The following EXOC4 variants were observed in gnomAD, a reference collection of about 807,000 sequenced individuals.
The protein encoded by EXOC4 is exocyst complex component 4.
EXOC4 carries 71 observed loss-of-function variants against 107.2 expected under a neutral mutation model. The ratio of observed to expected loss-of-function variants is 0.66; its 90% CI spans 0.55 to 0.81. EXOC4 has a LOEUF of 0.81. Ranked by LOEUF, EXOC4 falls within the 30% of genes least tolerant of loss-of-function variation. EXOC4 has a pLI of 0.00. For synonymous variants in EXOC4, 456 were observed against 441.2 expected (o/e 1.03, Z -0.42); for missense variants, 1,108 against 1,189.6 (o/e 0.93, Z 1.01).
intron 10 of EXOC4, among the ~76,000 whole-genome samples, chr7:133,724,277 C>T (rs112841552): frequency 6.6e-6 from 1 of 152,128 alleles, no homozygotes; most frequent in South Asian, 2.1e-4. Flanking sequence ...CAAAGGAGAC[C>T]TCAGTCAGAC....
intron 9 of EXOC4, among the ~76,000 whole-genome samples, chr7:133,612,672 A>G (rs549251343): frequency 2.8e-4 from 43 of 152,318 alleles, no homozygotes; most frequent in Middle Eastern, 3.4e-3. Flanking sequence ...AGAGAGACCA[A>G]TTAGGAGGCC....
intron 1 of EXOC4, among the ~76,000 whole-genome samples, chr7:133,262,585 T>C (rs1413943748): frequency 6.6e-6 from 1 of 152,186 alleles, no homozygotes; most frequent in African/African-American, 2.4e-5. Flanking sequence ...AAAGTGTTTT[T>C]CCATTTAAAA....
chr7:133,503,028 A>G (rs552491254), intron 9 of EXOC4, among the ~76,000 whole-genome samples: 96 of 152,304 alleles, frequency 6.3e-4, no homozygotes, highest in African/African-American at 2.2e-3. Flanking sequence ...GTGTAAGACT[A>G]GTACAATCTA....
intron 7 of EXOC4, among the ~76,000 whole-genome samples, chr7:133,452,052 C>T (rs1798360248): frequency 6.6e-6 from 1 of 152,190 alleles, no homozygotes; most frequent in East Asian, 1.9e-4. Context: ...CTTTTATTGC[C>T]TTTACCTTTG....
chr7:133,629,836 C>T (rs57853761), intron 9 of EXOC4, among the ~76,000 whole-genome samples: 19,829 of 152,006 alleles, frequency 0.13, 1,426 homozygotes, highest in East Asian at 0.24. Context: ...AGCCACCGTG[C>T]CCGGCTAGAG....
chr7:134,015,808 G>A (rs1794893170), intron 17 of EXOC4, among the ~76,000 whole-genome samples: 1 of 151,662 alleles, frequency 6.6e-6, no homozygotes, highest in Admixed American at 6.6e-5. Flanking sequence ...CTGGGAAGCG[G>A]AGGTTGGAGT....
intron 10 of EXOC4, among the ~76,000 whole-genome samples, chr7:133,650,089 A>G (rs11771373): frequency 0.43 from 65,287 of 151,862 alleles, 14,895 homozygotes; most frequent in Admixed American, 0.57. Context: ...CTTGGAATAC[A>G]TTCTTTTGTT....
At chr7:133,727,817 A>G (rs549576540) in intron 10 of EXOC4, 2 of 152,250 alleles carry the variant, frequency 1.3e-5, no homozygotes, top group South Asian at 4.1e-4. Flanking sequence ...TTATAACAAG[A>G]TTACTCCCAT....
At position 133,381,033 on chromosome 7, in the gene EXOC4, C is replaced by A. The variant is rs111289660; in HGVS notation, c.1182+6031C>A. Among the ~76,000 whole-genome samples, 547 of 152,144 alleles carry A rather than the reference C, an allele frequency of 3.6e-3. 5 individuals are homozygous for A. The highest frequency in any genetic ancestry group is 0.012 in the African/African-American group (507 of 41,498). On this transcript the variant is annotated intron_variant, in intron 7 of 17. Transcript: ENST00000253861. The stretch of plus-strand genomic sequence containing the variant: ...TCTTAAGCATGTTGTGGAAGAATGG[C>A]CTTAGTCATGAGTTGAGTTAATCTG...
chr7:134,042,359 C>T (rs750751456), intron 17 of EXOC4, among the ~76,000 whole-genome samples: 7 of 152,074 alleles, frequency 4.6e-5, no homozygotes, highest in Non-Finnish European at 8.8e-5. Context: ...GCCTTTATTA[C>T]TTTCAATTGA....
At chr7:133,567,780 G>C (rs1800936430) in intron 9 of EXOC4, among the ~76,000 whole-genome samples, 1 of 152,188 alleles carries the variant, frequency 6.6e-6, no homozygotes, top group African/African-American at 2.4e-5. Context: ...ACAGGAGACA[G>C]AAATATGGGC....
chr7:133,494,512 T>G (rs1351242111), intron 9 of EXOC4, among the ~76,000 whole-genome samples: 1 of 152,254 alleles, frequency 6.6e-6, no homozygotes, highest in East Asian at 1.9e-4. Context: ...CTACCATTTC[T>G]AGATTATAGG....
intron 10 of EXOC4, among the ~76,000 whole-genome samples, chr7:133,708,632 C>G (rs1418358567): frequency 1.3e-5 from 2 of 152,194 alleles, no homozygotes. Flanking sequence ...CATTTAAGTC[C>G]TGCAGCAACT....
chr7:133,458,795 A>G (rs546228404), intron 7 of EXOC4, among the ~76,000 whole-genome samples: 22 of 152,368 alleles, frequency 1.4e-4, no homozygotes, highest in African/African-American at 5.0e-4. Flanking sequence ...ACGTAAAAAT[A>G]AGCATGGTAC....
At chr7:133,433,006 A>G (rs1797889856) in intron 7 of EXOC4, among the ~76,000 whole-genome samples, 1 of 152,228 alleles carries the variant, frequency 6.6e-6, no homozygotes, top group African/African-American at 2.4e-5. Context: ...GTCCGTTTAT[A>G]CGATATAATA....
the EXOC4 span, among the ~76,000 whole-genome samples, chr7:134,085,331 AC>A: frequency 2.4e-4 from 23 of 96,768 alleles, no homozygotes; most frequent in Admixed American, 1.4e-3. Context: ...AACAAAAACA[AC>A]AAAAAAAAAA....
intron 10 of EXOC4, among the ~76,000 whole-genome samples, chr7:133,690,887 G>A (rs1010638149): frequency 2.0e-5 from 3 of 152,112 alleles, no homozygotes; most frequent in African/African-American, 4.8e-5. Context: ...TTTAGTAAGG[G>A]TTGCTAATTC....
chr7:134,071,300 T>C (rs1205832393), downstream of EXOC4, among the ~76,000 whole-genome samples: 1 of 152,140 alleles, frequency 6.6e-6, no homozygotes, highest in Non-Finnish European at 1.5e-5. Context: ...AATCCAAAGC[T>C]CATACCACTC....
At chr7:133,997,679 G>A (rs1324701754) in intron 15 of EXOC4, 46 bp downstream of exon 15, 14 of 1,584,118 alleles carry the variant, frequency 8.8e-6, no homozygotes, top group Middle Eastern at 1.7e-4. Context: ...AATGCACTGC[G>A]GTTCATAAAT....
Sources: allele counts gnomAD v4.1 joint callset (sites outside exome capture counted in the v4.1 genomes callset), GRCh38; gene constraint gnomAD v4.1.1; transcripts MANE v1.5; gene names NCBI Gene and HGNC (gene_info 2026-07-23, HGNC 2026-07-21).